Variants in DSCAML1 observed in about 807,000 individuals in gnomAD.
DSCAML1 encodes the protein cell adhesion molecule DSCAML1.
In DSCAML1, 38 loss-of-function variants were observed where a neutral mutation model predicts 200.5. That is an observed-to-expected ratio of 0.19 (90% CI 0.15 to 0.25). The LOEUF (loss-of-function observed/expected upper bound fraction) is 0.25, where lower values mean the gene tolerates loss of function less well. Among genes scored for constraint, DSCAML1 ranks in the 10% least tolerant of loss-of-function variants. The pLI, the probability that DSCAML1 is intolerant of heterozygous loss-of-function variation, is 1.00. For missense variants in DSCAML1, 2,223 were observed against 2,858.8 expected (o/e 0.78, Z 5.07); for synonymous variants, 1,215 against 1,165.0 (o/e 1.04, Z -0.87).
At chr11:117,540,249 A>G (rs1318280606) in intron 3 of DSCAML1, among the ~76,000 whole-genome samples, 1 of 152,138 alleles carries the variant, frequency 6.6e-6, no homozygotes, top group Non-Finnish European at 1.5e-5. Flanking sequence ...GCGAGCGAGC[A>G]TTTCCTCCTG....
chr11:117,811,832 TC>T (rs775845683), intron 1 of DSCAML1, among the ~76,000 whole-genome samples: 193 of 152,166 alleles, frequency 1.3e-3, no homozygotes, highest in African/African-American at 3.4e-3. Context: ...TGTAAGTCCA[TC>T]CCCTTCTTAA....
At chr11:117,807,914 T>A (rs150703036) in intron 1 of DSCAML1, among the ~76,000 whole-genome samples, 1 of 152,120 alleles carries the variant, frequency 6.6e-6, no homozygotes, top group African/African-American at 2.4e-5. Context: ...CTCCACCTCC[T>A]GGGTTCAAAT....
At position 117,428,736 on chromosome 11, in the gene DSCAML1, C is replaced by G. The variant is rs1380515622; in HGVS notation, c.5754G>C (p.Glu1918Asp). The stretch of plus-strand genomic sequence containing the variant: ...CACGGGGTGGGACCACGGGGCAGGG[C>G]TCACGTCCATCTGCCTTTCGAAAGA... ...EAFFRKADGR[E>D]PCPVVPPREA... The change falls in exon 33 of 33, where the codon GAG (glutamate) becomes GAC (aspartate). Residue 1918 changes from glutamate to aspartate, a missense_variant. By Grantham distance (45) the Glu-to-Asp change is conservative. Transcript: ENST00000651296. 2 of 1,612,982 alleles carry G rather than the reference C, an allele frequency of 1.2e-6. No homozygotes were observed. The highest frequency in any genetic ancestry group is 1.7e-6 in the Non-Finnish European group (2 of 1,179,688).
chr11:117,785,921 A>T (rs1476821131), intron 1 of DSCAML1, among the ~76,000 whole-genome samples: 1 of 152,178 alleles, frequency 6.6e-6, no homozygotes, highest in Non-Finnish European at 1.5e-5. Context: ...GAAGAGATGG[A>T]GTCAAAATTC....
chr11:117,805,106 G>A (rs923535949), intron 1 of DSCAML1, among the ~76,000 whole-genome samples: 1 of 152,128 alleles, frequency 6.6e-6, no homozygotes, highest in Admixed American at 6.5e-5. Flanking sequence ...ACTATCCCAC[G>A]AACTTCTACT....
At chr11:117,449,453 G>A (rs898300951) in intron 20 of DSCAML1, among the ~76,000 whole-genome samples, 1 of 152,098 alleles carries the variant, frequency 6.6e-6, no homozygotes, top group Non-Finnish European at 1.5e-5. Context: ...ACCACTCAGA[G>A]GGTAATTCAG....
intron 20 of DSCAML1, 32 bp downstream of exon 20, chr11:117,450,517 C>T: frequency 6.2e-7 from 1 of 1,606,686 alleles, no homozygotes; most frequent in Non-Finnish European, 8.5e-7. Context: ...TTTCTTCCAT[C>T]CCCTTCATCA....
intron 4 of DSCAML1, among the ~76,000 whole-genome samples, chr11:117,532,095 A>G (rs1398817510): frequency 1.3e-5 from 2 of 151,296 alleles, no homozygotes; most frequent in Non-Finnish European, 2.9e-5. Flanking sequence ...ATGTTTGAGT[A>G]TCAGATTTTA....
At chr11:117,514,572 C>CTTTTTTTTTTTTTTTTT (rs532136039) in intron 8 of DSCAML1, among the ~76,000 whole-genome samples, 6 of 98,292 alleles carry the variant, frequency 6.1e-5, no homozygotes, top group East Asian at 4.0e-4. Context: ...TTTTCTTTTT[C>CTTTTTTTTTTTTTTTTT]TTTTTTTTTT....
At chr11:117,597,996 A>G (rs1393920379) in intron 3 of DSCAML1, among the ~76,000 whole-genome samples, 1 of 151,054 alleles carries the variant, frequency 6.6e-6, no homozygotes, top group East Asian at 1.9e-4. Context: ...CAAACCCTAG[A>G]CACAGGCCAG....
At chr11:117,730,787 A>C (rs1441300084) in intron 3 of DSCAML1, among the ~76,000 whole-genome samples, 1 of 152,238 alleles carries the variant, frequency 6.6e-6, no homozygotes, top group Non-Finnish European at 1.5e-5. Flanking sequence ...TTATAGCCCA[A>C]AAGTGGAAAT....
intron 3 of DSCAML1, among the ~76,000 whole-genome samples, chr11:117,667,104 G>A (rs2052994115): frequency 6.6e-6 from 1 of 152,190 alleles, no homozygotes; most frequent in Non-Finnish European, 1.5e-5. Context: ...CAAGGAGCCT[G>A]CTCTCCTGAC....
At chr11:117,520,587 A>G (rs1308450432) in intron 6 of DSCAML1, among the ~76,000 whole-genome samples, 1 of 152,052 alleles carries the variant, frequency 6.6e-6, no homozygotes, top group Non-Finnish European at 1.5e-5. Flanking sequence ...CAAGTGACCA[A>G]AGCTGCAGTT....
At chr11:117,492,310 A>G (rs536377912) in intron 11 of DSCAML1, among the ~76,000 whole-genome samples, 50 of 152,310 alleles carry the variant, frequency 3.3e-4, no homozygotes, top group Middle Eastern at 6.8e-3. Flanking sequence ...GTCCTCCTGA[A>G]AGTCTAACTG....
chr11:117,816,699 G>A (rs2055810739), intron 1 of DSCAML1, among the ~76,000 whole-genome samples: 1 of 151,598 alleles, frequency 6.6e-6, no homozygotes, highest in African/African-American at 2.4e-5. Flanking sequence ...TGTCCAGGGA[G>A]CCCACTTCCT....
chr11:117,610,788 G>T (rs2051672750), intron 3 of DSCAML1, among the ~76,000 whole-genome samples: 1 of 149,896 alleles, frequency 6.7e-6, no homozygotes, highest in Admixed American at 6.7e-5. Context: ...TTGCTTCTAG[G>T]TTTCAGCTGT....
chr11:117,516,987 A>G lies in DSCAML1; in HGVS notation c.1511-248T>C, dbSNP rs1436658602. On this transcript the variant is annotated intron_variant, in intron 7 of 32. Transcript: ENST00000651296. The surrounding 1 kb of genome is among the most constrained non-coding windows in gnomAD (Gnocchi z 5.7). ...GCTTCAAAGAGTTGCAAACGGACGC[A>G]GTATATACATGCCTTGGCCAAGAGC... Among the ~76,000 whole-genome samples the G allele has an allele frequency of 1.3e-5, 2 of 152,230 alleles. No homozygotes were observed. The highest frequency in any genetic ancestry group is 3.9e-4 in the East Asian group (2 of 5,192).
chr11:117,758,760 G>A lies in DSCAML1; in HGVS notation c.511+18031C>T, dbSNP rs190567658. 3.9e-5 allele frequency among the ~76,000 whole-genome samples: 6 copies of A among 152,198 alleles called. No individual in the cohort carries two copies. The East Asian group carries it at 5.8e-4, about 15-fold the overall frequency. ...CTTAAGGATAGAGCCTTACAGACAC[G>A]GACATCTGAGACTTCAGATACATAT... is the stretch of plus-strand genomic sequence containing the variant. On this transcript the variant is annotated intron_variant, in intron 3 of 32. Coordinates refer to ENST00000651296, the MANE Select transcript of DSCAML1 (RefSeq NM_020693.4).
At chr11:117,768,563 G>A (rs1010179295) in intron 3 of DSCAML1, among the ~76,000 whole-genome samples, 1 of 152,182 alleles carries the variant, frequency 6.6e-6, no homozygotes, top group African/African-American at 2.4e-5. Flanking sequence ...GAGGTCTAAG[G>A]TTGGACAACT....
Sources: gnomAD v4.1 joint callset for allele counts (sites outside exome capture counted in the v4.1 genomes callset) on GRCh38, gnomAD v4.1.1 for gene constraint, Gnocchi (gnomAD v3.1) non-coding constraint, MANE v1.5 for transcripts, NCBI Gene and HGNC (gene_info 2026-07-23, HGNC 2026-07-21) for gene names.